The following MICU2 variants were observed in gnomAD, a reference collection of about 807,000 sequenced individuals.
The protein encoded by MICU2 is mitochondrial calcium uptake 2.
In MICU2, 64 loss-of-function variants were observed where a neutral mutation model predicts 60.4. That is an observed-to-expected ratio of 1.06 (90% CI 0.87 to 1.31). The LOEUF (loss-of-function observed/expected upper bound fraction) is 1.31, where lower values mean the gene tolerates loss of function less well. Among genes scored for constraint, MICU2 ranks in the 50% most tolerant of loss-of-function variants. The pLI is 0.00. For missense variants in MICU2, 569 were observed against 531.0 expected, an observed-to-expected ratio of 1.07 and a Z score of -0.70; for synonymous variants, 201 against 175.0, an observed-to-expected ratio of 1.15 and a Z score of -1.17.
At chr13:21,598,822 G>A (rs1888753257) in intron 1 of MICU2, among the ~76,000 whole-genome samples, 1 of 152,118 alleles carries the variant, frequency 6.6e-6, no homozygotes, top group Non-Finnish European at 1.5e-5. Flanking sequence ...AATCAGTTTG[G>A]ATTTGCCAAT....
At chr13:21,545,690 G>T (rs1162351617) in intron 2 of MICU2, among the ~76,000 whole-genome samples, 1 of 151,762 alleles carries the variant, frequency 6.6e-6, no homozygotes, top group Non-Finnish European at 1.5e-5. Flanking sequence ...AAAAAGGGTT[G>T]ATATCATAGA....
intron 1 of MICU2, among the ~76,000 whole-genome samples, chr13:21,586,533 A>C (rs1414246728): frequency 6.6e-6 from 1 of 152,112 alleles, no homozygotes; most frequent in Non-Finnish European, 1.5e-5. Context: ...TCAGCCTGTC[A>C]AAGAGCTGGG....
chr13:21,586,190 T>C (rs1270772743), intron 1 of MICU2, among the ~76,000 whole-genome samples: 1 of 152,188 alleles, frequency 6.6e-6, no homozygotes. Flanking sequence ...CCCGCTCCAG[T>C]AGCAGACTAA....
chr13:21,515,161 A>G (rs1244329514), intron 6 of MICU2, among the ~76,000 whole-genome samples: 1 of 151,228 alleles, frequency 6.6e-6, no homozygotes, highest in South Asian at 2.1e-4. Flanking sequence ...GGCTGACTGC[A>G]AGCTCCGCCT....
chr13:21,592,569 A>G (rs1240297304), intron 1 of MICU2, among the ~76,000 whole-genome samples: 4 of 152,196 alleles, frequency 2.6e-5, no homozygotes, highest in African/African-American at 4.8e-5. Context: ...AAAAGAAAAC[A>G]TAAGGCCAAT....
intron 2 of MICU2, among the ~76,000 whole-genome samples, chr13:21,559,529 C>CTT (rs71202427): frequency 5.7e-4 from 82 of 143,708 alleles, no homozygotes; most frequent in South Asian, 2.8e-3. Context: ...TCTTTCTTTT[C>CTT]TTTTTTTTTT....
At chr13:21,560,175 T>C (rs1199948902) in intron 2 of MICU2, among the ~76,000 whole-genome samples, 3 of 152,342 alleles carry the variant, frequency 2.0e-5, no homozygotes, top group East Asian at 3.9e-4. Context: ...GAAGTTCTAA[T>C]TTTAATATGG....
intron 2 of MICU2, among the ~76,000 whole-genome samples, chr13:21,545,094 G>A (rs1438938951): frequency 1.3e-5 from 2 of 151,960 alleles, no homozygotes; most frequent in African/African-American, 4.8e-5. Flanking sequence ...TCATCCAAAG[G>A]AAAAAACAAT....
In MICU2 at chr13:21,554,862, C is replaced by A. The variant is rs1398885115; in HGVS notation, c.358+11935G>T. The stretch of plus-strand genomic sequence containing the variant: ...TATCACCACCGACCCCACAGAAATA[C>A]AAACTACCATCAGAGAATACTATAA... On this transcript the variant is annotated intron_variant, in intron 2 of 11. Coordinates refer to ENST00000382374, the MANE Select transcript of MICU2 (RefSeq NM_152726.3). 5.3e-5 allele frequency among the ~76,000 whole-genome samples: 8 copies of A among 152,218 alleles called. No individual in the cohort carries two copies. In the South Asian group the frequency reaches 6.2e-4, roughly 12 times the overall value.
At chr13:21,508,292 A>T (rs1886343175) in intron 8 of MICU2, among the ~76,000 whole-genome samples, 1 of 151,626 alleles carries the variant, frequency 6.6e-6, no homozygotes, top group South Asian at 2.1e-4. Context: ...TGCCTGGCTA[A>T]TTTTTTGTAT....
chr13:21,505,444 G>A (rs1886269550), intron 8 of MICU2, among the ~76,000 whole-genome samples: 2 of 152,134 alleles, frequency 1.3e-5, no homozygotes, highest in South Asian at 4.1e-4. Context: ...TCAATTTTCA[G>A]AATTTAAATT....
chr13:21,550,307 C>T (rs1032468027), intron 2 of MICU2, among the ~76,000 whole-genome samples: 2 of 152,158 alleles, frequency 1.3e-5, no homozygotes, highest in Non-Finnish European at 2.9e-5. Flanking sequence ...GAGGCCAAGA[C>T]GGGAGGATCA....
At chr13:21,574,168 A>G (rs1248852902) in intron 1 of MICU2, among the ~76,000 whole-genome samples, 1 of 152,172 alleles carries the variant, frequency 6.6e-6, no homozygotes, top group Non-Finnish European at 1.5e-5. Flanking sequence ...CTGTTATCCT[A>G]TCCCTACCCG....
At chr13:21,513,956 A>G (rs561723001) in intron 7 of MICU2, among the ~76,000 whole-genome samples, 1 of 152,252 alleles carries the variant, frequency 6.6e-6, no homozygotes, top group Admixed American at 6.5e-5. Context: ...AGGGAGGAGA[A>G]CTGTGTGAAT....
At chr13:21,520,218 C>T (rs555375824) in intron 6 of MICU2, among the ~76,000 whole-genome samples, 10 of 152,278 alleles carry the variant, frequency 6.6e-5, no homozygotes, top group African/African-American at 1.7e-4. Context: ...ATGAACATTT[C>T]GGTTGTTTCT....
intron 1 of MICU2, among the ~76,000 whole-genome samples, chr13:21,569,112 C>T (rs890454945): frequency 1.3e-5 from 2 of 152,042 alleles, no homozygotes; most frequent in African/African-American, 2.4e-5. Context: ...GGTTGATTTC[C>T]GAGCTTGAGG....
chr13:21,504,550 T>C (rs773886150), intron 8 of MICU2, among the ~76,000 whole-genome samples: 5 of 152,248 alleles, frequency 3.3e-5, no homozygotes, highest in Non-Finnish European at 7.3e-5. Flanking sequence ...AAGCCTAAAA[T>C]CATATTATCT....
At chr13:21,537,507 T>C (rs1483843101) in intron 4 of MICU2, among the ~76,000 whole-genome samples, 2 of 151,810 alleles carry the variant, frequency 1.3e-5, no homozygotes, top group Non-Finnish European at 2.9e-5. Context: ...TTCACTCTTG[T>C]TGCCCAGGCT....
chr13:21,559,167 A>AT (rs1167106603), intron 2 of MICU2, among the ~76,000 whole-genome samples: 13 of 152,102 alleles, frequency 8.5e-5, no homozygotes, highest in Admixed American at 5.9e-4. Context: ...AGGTCTTAAA[A>AT]TTTTTTTACC....
Sources: allele counts gnomAD v4.1 joint callset (sites outside exome capture counted in the v4.1 genomes callset), GRCh38; gene constraint gnomAD v4.1.1; transcripts MANE v1.5; gene names NCBI Gene and HGNC (gene_info 2026-07-23, HGNC 2026-07-21).